TMPRSS2: variants seen among roughly 807,000 people sequenced by gnomAD.
TMPRSS2 encodes the protein transmembrane serine protease 2, also known as transmembrane protease serine 2.
TMPRSS2 carries 59 observed loss-of-function variants against 67.4 expected under a neutral mutation model. The observed-to-expected ratio is 0.88, with a 90% CI of 0.71 to 1.09. The LOEUF is 1.09. Ranked by LOEUF, TMPRSS2 falls within the 50% of genes least tolerant of loss-of-function variation. The probability of loss-of-function intolerance (pLI) is 0.00; values close to 1 mark genes in which losing one functional copy is unlikely to be tolerated. For missense variants in TMPRSS2, 668 were observed against 642.7 expected, an observed-to-expected ratio of 1.04 and a Z score of -0.43; for synonymous variants, 257 against 257.0, an observed-to-expected ratio of 1.00 and a Z score of 0.00.
chr21:41,484,021 A>G (rs551472421), intron 5 of TMPRSS2, among the ~76,000 whole-genome samples: 8 of 152,012 alleles, frequency 5.3e-5, no homozygotes, highest in Admixed American at 2.6e-4. Flanking sequence ...CAGGAGGCTG[A>G]GGGGGAAGGA....
At chr21:41,499,831 T>C (rs1397721833) in intron 1 of TMPRSS2, among the ~76,000 whole-genome samples, 1 of 152,162 alleles carries the variant, frequency 6.6e-6, no homozygotes, top group Non-Finnish European at 1.5e-5. Flanking sequence ...TGCACCTTCC[T>C]GAGCAAATAA....
At chr21:41,492,021 C>A (rs1421176995) in intron 3 of TMPRSS2, among the ~76,000 whole-genome samples, 1 of 152,168 alleles carries the variant, frequency 6.6e-6, no homozygotes, top group Admixed American at 6.5e-5. Flanking sequence ...ATGGCAAAAC[C>A]CCGTCTCTAC....
Position 41,507,848 on chromosome 21 carries a change from C to G in TMPRSS2, c.-57+233G>C, listed in dbSNP as rs1001307718. 3.0e-6 allele frequency: 4 copies of G among 1,331,054 alleles called. No individual in the cohort carries two copies. In the African/African-American group the frequency reaches 6.2e-5, roughly 20 times the overall value. The allele number at this position is 1,331,054 out of a possible 1,614,324, so 82.5% of individuals were successfully genotyped here. ...CAAGCCAACAGGGGCGGCGAGGGCTCTCGGCCGTGCGCAAGGGGTCCCAGG... is the reference window on the plus strand; with the variant it reads ...CAAGCCAACAGGGGCGGCGAGGGCTGTCGGCCGTGCGCAAGGGGTCCCAGG... On this transcript the variant is annotated intron_variant, in intron 1 of 13. Coordinates refer to ENST00000332149, the MANE Select transcript of TMPRSS2 (RefSeq NM_005656.4).
Position 41,500,461 on chromosome 21 carries a change from C to A in TMPRSS2, c.-56-2272G>T, listed in dbSNP as rs2091416648. On this transcript the variant is annotated intron_variant, in intron 1 of 13. Coordinates refer to ENST00000332149, the MANE Select transcript of TMPRSS2 (RefSeq NM_005656.4). ...TAGAGTGGGGCCGGCTTCAGTACAC[C>A]ATCGCTTTCCTGTGTCCTAAGCAGA... Among the ~76,000 whole-genome samples, 5 of 152,170 alleles carry A rather than the reference C, an allele frequency of 3.3e-5. No individual in the cohort carries two copies. In the South Asian group the frequency reaches 1.0e-3, roughly 32 times the overall value.
intron 5 of TMPRSS2, among the ~76,000 whole-genome samples, chr21:41,481,168 C>T (rs1185678544): frequency 2.0e-5 from 3 of 152,178 alleles, no homozygotes; most frequent in South Asian, 2.1e-4. Flanking sequence ...AGCTGAAAGG[C>T]GAAAACACTC....
chr21:41,476,454 A>C, intron 8 of TMPRSS2, 123 bp downstream of exon 8: 1 of 973,312 alleles, frequency 1.0e-6, no homozygotes. Context: ...CGCTGGGCAC[A>C]TTCCAACCCG....
intron 2 of TMPRSS2, among the ~76,000 whole-genome samples, chr21:41,497,490 G>A (rs2091392181): frequency 6.6e-6 from 1 of 152,082 alleles, no homozygotes; most frequent in Non-Finnish European, 1.5e-5. Flanking sequence ...CCTGAGCAGT[G>A]GACTTGAAAT....
In TMPRSS2 at chr21:41,494,206, G is replaced by C. The variant is rs970642636; in HGVS notation, c.238+150C>G. 8 of 839,808 alleles carry C rather than the reference G, an allele frequency of 9.5e-6. No individual in the cohort carries two copies. In the African/African-American group the frequency reaches 1.4e-4, roughly 15 times the overall value. The allele number at this position is 839,808 out of a possible 1,614,324, so 52.0% of individuals were successfully genotyped here. ...TGACCCAGCAGGAAGAGAGTGGAAAGGCATGAAGACAGGCTGGCTCCGGAA... is the reference window on the plus strand; with the variant it reads ...TGACCCAGCAGGAAGAGAGTGGAAACGCATGAAGACAGGCTGGCTCCGGAA... On this transcript the variant is annotated intron_variant, in intron 3 of 13. Coordinates refer to ENST00000332149, the MANE Select transcript of TMPRSS2 (RefSeq NM_005656.4).
At chr21:41,476,104 A>T (rs2091210456) in intron 8 of TMPRSS2, among the ~76,000 whole-genome samples, 1 of 152,174 alleles carries the variant, frequency 6.6e-6, no homozygotes, top group African/African-American at 2.4e-5. Flanking sequence ...AAAATTCAGG[A>T]GAGAAGAGGC....
intron 1 of TMPRSS2, among the ~76,000 whole-genome samples, chr21:41,502,993 G>A (rs2091434300): frequency 6.6e-6 from 1 of 152,000 alleles, no homozygotes; most frequent in Admixed American, 6.6e-5. Context: ...AACTATTGGG[G>A]AAAAATTAAT....
chr21:41,476,088 C>T (rs1230693507), intron 8 of TMPRSS2, among the ~76,000 whole-genome samples: 1 of 152,118 alleles, frequency 6.6e-6, no homozygotes, highest in Non-Finnish European at 1.5e-5. Context: ...GTCTAAGCCA[C>T]CGTCCAAAAT....
chr21:41,480,846 C>A (rs1300828158), intron 5 of TMPRSS2, among the ~76,000 whole-genome samples: 6 of 152,136 alleles, frequency 3.9e-5, no homozygotes, highest in Non-Finnish European at 5.9e-5. Context: ...CCATGTTGGC[C>A]AGGCTGGTCT....
intron 1 of TMPRSS2, chr21:41,502,342 G>T (rs567362297): frequency 1.0e-6 from 1 of 976,306 alleles, no homozygotes; most frequent in Non-Finnish European, 1.2e-6. Flanking sequence ...CAAGATCCAG[G>T]GGTATTCTCT....
At chr21:41,492,279 G>A (rs2091343835) in intron 3 of TMPRSS2, among the ~76,000 whole-genome samples, 1 of 152,132 alleles carries the variant, frequency 6.6e-6, no homozygotes, top group Admixed American at 6.5e-5. Flanking sequence ...CCAACTTAAG[G>A]TTGTCAACTC....
Position 41,464,630 on chromosome 21 carries a change from C to CA in TMPRSS2, c.*1511dup, listed in dbSNP as rs560898303. The CA allele has an allele frequency of 8.2e-5, 19 of 232,496 alleles. No individual in the cohort carries two copies. The South Asian group carries it at 3.1e-3, about 38-fold the overall frequency. The allele number at this position is 232,496 out of a possible 1,614,324, so 14.4% of individuals were successfully genotyped here. On this transcript the variant is annotated 3_prime_UTR_variant, in exon 14 of 14. Transcript: ENST00000332149. ...TGAACTTTACAGTTTAAAAAAGATA[C>CA]AAAAAAAGACAAACAGTTGTTCACA...
At chr21:41,496,139 G>T (rs1171665739) in intron 2 of TMPRSS2, among the ~76,000 whole-genome samples, 2 of 152,124 alleles carry the variant, frequency 1.3e-5, no homozygotes, top group Non-Finnish European at 2.9e-5. Flanking sequence ...CTGCCGCCAG[G>T]CTCCTGTACT....
At chr21:41,482,102 T>A (rs2091261692) in intron 5 of TMPRSS2, among the ~76,000 whole-genome samples, 1 of 152,128 alleles carries the variant, frequency 6.6e-6, no homozygotes, top group South Asian at 2.1e-4. Context: ...GGTTTTTTTT[T>A]TTAAAGTGCT....
intron 4 of TMPRSS2, 81 bp downstream of exon 4, chr21:41,489,415 CCAGAGGTCTCA>C: frequency 9.6e-7 from 1 of 1,041,042 alleles, no homozygotes; most frequent in Non-Finnish European, 1.4e-6. Flanking sequence ...CGGAGGGCCT[CCAGAGGTCTCA>C]ATAGCCCAGA....
intron 2 of TMPRSS2, among the ~76,000 whole-genome samples, chr21:41,494,974 C>T (rs144364265): frequency 6.6e-6 from 1 of 151,212 alleles, no homozygotes; most frequent in East Asian, 2.0e-4. Flanking sequence ...GAGGCTGAGG[C>T]AGGAGAATGG....
Sources: allele counts gnomAD v4.1 joint callset (sites outside exome capture counted in the v4.1 genomes callset), GRCh38; gene constraint gnomAD v4.1.1; transcripts MANE v1.5; gene names NCBI Gene and HGNC (gene_info 2026-07-23, HGNC 2026-07-21).